The following DCX variants were observed in gnomAD, a reference collection of about 807,000 sequenced individuals.
DCX encodes the protein doublecortin.
In DCX, 4 loss-of-function variants were observed where a neutral mutation model predicts 20.9. The observed-to-expected ratio is 0.19, with a 90% CI of 0.09 to 0.44. DCX has a LOEUF of 0.44. Ranked by LOEUF, DCX falls within the 20% of genes least tolerant of loss-of-function variation. The pLI, the probability that DCX is intolerant of heterozygous loss-of-function variation, is 0.99. For missense variants in DCX, 133 were observed against 296.9 expected (o/e 0.45, Z 4.06); for synonymous variants, 103 against 111.4 (o/e 0.92, Z 0.47).
chrX:111,398,184 C>T (rs944167170), intron 3 of DCX, among the ~76,000 whole-genome samples: 2 of 109,802 alleles, frequency 1.8e-5, no homozygotes, highest in Non-Finnish European at 3.8e-5. Context: ...CCTTTGGAGG[C>T]CCCCTATCTC....
intron 2 of DCX, 37 bp downstream of exon 2, chrX:111,409,998 C>T (rs1270394472): frequency 8.3e-7 from 1 of 1,210,093 alleles, no homozygotes; most frequent in Non-Finnish European, 1.1e-6. Context: ...AATGATGCCA[C>T]CTCCCACCAA....
At chrX:111,308,538 A>G (rs971048539) in intron 6 of DCX, among the ~76,000 whole-genome samples, 1 of 110,767 alleles carries the variant, frequency 9.0e-6, no homozygotes, top group Admixed American at 9.7e-5. Flanking sequence ...GTGCTCATGC[A>G]GTCCTTTCGT....
chrX:111,372,093 A>G (rs1925144519), intron 3 of DCX, among the ~76,000 whole-genome samples: 1 of 111,195 alleles, frequency 9.0e-6, no homozygotes, highest in African/African-American at 3.3e-5. Context: ...ACACCTTGGT[A>G]CAAGCATCTG....
chrX:111,339,793 C>T (rs1046900477), intron 3 of DCX, among the ~76,000 whole-genome samples: 1 of 111,734 alleles, frequency 8.9e-6, no homozygotes, highest in Admixed American at 9.5e-5. Flanking sequence ...TATTTCTCTC[C>T]TCCATATTTT....
chrX:111,356,610 G>A (rs1467366892), intron 3 of DCX, among the ~76,000 whole-genome samples: 1 of 112,369 alleles, frequency 8.9e-6, no homozygotes, highest in Admixed American at 9.4e-5. Context: ...AGTTGAATAG[G>A]AGTTCTCCAA....
intron 4 of DCX, 26 bp downstream of exon 4, chrX:111,333,025 C>T (rs779789671): frequency 6.6e-6 from 7 of 1,067,319 alleles, no homozygotes; most frequent in Non-Finnish European, 9.1e-6. Context: ...AACAATGGAG[C>T]AATAAAACCC....
At position 111,301,549 on chromosome X, in the gene DCX, T is replaced by A. The variant is rs1368834202; in HGVS notation, c.*138A>T. The A allele has an allele frequency of 3.1e-6, 2 of 638,606 alleles. No homozygotes were observed. Among genetic ancestry groups the A allele is most frequent in the African/African-American group, 2.2e-5 (1 of 45,704 alleles). The allele number at this position is 638,606 out of a possible 1,213,427, so 52.6% of individuals were successfully genotyped here. A position where few individuals can be genotyped will look rare whatever the true frequency, so the allele number is the denominator to read the frequency against. On this transcript the variant is annotated 3_prime_UTR_variant, in exon 7 of 7. Coordinates refer to ENST00000636035, the MANE Select transcript of DCX (RefSeq NM_001195553.2). ...GGAAAATAAACCCAACATATTACAA[T>A]GTGTTTTTCAAAATAACAACAACAA...
intron 5 of DCX, among the ~76,000 whole-genome samples, chrX:111,318,913 A>G (rs2095080337): frequency 8.9e-6 from 1 of 111,907 alleles, no homozygotes; most frequent in Non-Finnish European, 1.9e-5. Context: ...GTTTACCTAT[A>G]TAACAAATGT....
chrX:111,340,380 G>A (rs902327998), intron 3 of DCX, among the ~76,000 whole-genome samples: 3 of 112,198 alleles, frequency 2.7e-5, no homozygotes, highest in African/African-American at 9.7e-5. Flanking sequence ...ATCTCCGTGG[G>A]CCTGAACCTG....
At chrX:111,400,882 G>T in intron 3 of DCX, 108 bp downstream of exon 3, 1 of 716,496 alleles carries the variant, frequency 1.4e-6, no homozygotes, top group Non-Finnish European at 2.2e-6. Context: ...AGGTTGTGAT[G>T]ATGAGATGTG....
At chrX:111,339,305 T>A (rs1446681467) in intron 3 of DCX, among the ~76,000 whole-genome samples, 1 of 110,948 alleles carries the variant, frequency 9.0e-6, no homozygotes, top group African/African-American at 3.3e-5. Context: ...AAAGGTGGGG[T>A]TTTTTAGAGA....
At chrX:111,360,350 C>A (rs772471807) in intron 3 of DCX, among the ~76,000 whole-genome samples, 5 of 111,547 alleles carry the variant, frequency 4.5e-5, no homozygotes, top group Non-Finnish European at 9.4e-5. Flanking sequence ...CACAGAAAGA[C>A]AAACATTGCA....
At chrX:111,307,579 C>G (rs773407429) in intron 6 of DCX, among the ~76,000 whole-genome samples, 188 of 111,502 alleles carry the variant, frequency 1.7e-3, no homozygotes, top group Middle Eastern at 4.6e-3. Flanking sequence ...GCTTCTAGAT[C>G]TTAAAATTGA....
intron 4 of DCX, among the ~76,000 whole-genome samples, chrX:111,331,854 AAACTT>A (rs1921277185): frequency 8.9e-6 from 1 of 112,315 alleles, no homozygotes; most frequent in Admixed American, 9.4e-5. Context: ...AGAGTACAAA[AAACTT>A]AACCCCTTTG....
intron 3 of DCX, among the ~76,000 whole-genome samples, chrX:111,390,812 G>A (rs988329195): frequency 2.7e-5 from 3 of 109,697 alleles, no homozygotes; most frequent in Non-Finnish European, 3.8e-5. Context: ...CAGCCTGGCC[G>A]ACATGGTGAG....
chrX:111,392,655 G>A (rs1927037478), intron 3 of DCX, among the ~76,000 whole-genome samples: 1 of 111,548 alleles, frequency 9.0e-6, no homozygotes, highest in African/African-American at 3.3e-5. Flanking sequence ...GGGCTGTGGG[G>A]GATAGAGGGT....
At chrX:111,337,575 T>C (rs1921851336) in intron 3 of DCX, among the ~76,000 whole-genome samples, 1 of 111,884 alleles carries the variant, frequency 8.9e-6, no homozygotes, top group African/African-American at 3.2e-5. Flanking sequence ...CTGTGTGACT[T>C]GATTTAAGCT....
intron 3 of DCX, among the ~76,000 whole-genome samples, chrX:111,364,094 C>T (rs1337890921): frequency 1.8e-5 from 2 of 111,921 alleles, no homozygotes; most frequent in African/African-American, 6.5e-5. Context: ...TAATTTGTTT[C>T]CTAATAATAA....
intron 6 of DCX, among the ~76,000 whole-genome samples, chrX:111,309,086 T>A (rs1189222189): frequency 8.9e-6 from 1 of 112,272 alleles, no homozygotes; most frequent in Non-Finnish European, 1.9e-5. Context: ...ATGCAAAATG[T>A]TGTTCTCATT....
Sources: allele counts gnomAD v4.1 joint callset (sites outside exome capture counted in the v4.1 genomes callset), GRCh38; gene constraint gnomAD v4.1.1; transcripts MANE v1.5; gene names NCBI Gene and HGNC (gene_info 2026-07-23, HGNC 2026-07-21).